Variants in KIAA1217 observed in about 807,000 individuals in gnomAD.
The protein encoded by KIAA1217 is sickle tail protein homolog.
In KIAA1217, 88 loss-of-function variants were observed where a neutral mutation model predicts 163.9. That is an observed-to-expected ratio of 0.54 (90% CI 0.45 to 0.64). The LOEUF is 0.64. KIAA1217 is among the 30% of genes least tolerant of loss of function. The probability of loss-of-function intolerance (pLI) is 0.00; values close to 1 mark genes in which losing one functional copy is unlikely to be tolerated. For missense variants in KIAA1217, 2,372 were observed against 2,475.0 expected (o/e 0.96, Z 0.88); for synonymous variants, 903 against 923.1 (o/e 0.98, Z 0.39).
At chr10:24,040,606 A>G (rs1195374513) in intron 2 of KIAA1217, among the ~76,000 whole-genome samples, 1 of 152,154 alleles carries the variant, frequency 6.6e-6, no homozygotes, top group East Asian at 1.9e-4. Flanking sequence ...ATACAGCAGT[A>G]TTTGCAAACG....
chr10:24,240,244 A>T (rs938083085), intron 2 of KIAA1217, among the ~76,000 whole-genome samples: 1 of 152,208 alleles, frequency 6.6e-6, no homozygotes, highest in Non-Finnish European at 1.5e-5. Flanking sequence ...CACCAAGCTT[A>T]AAAAGAACAC....
chr10:23,915,985 G>A (rs1045378308), intron 1 of KIAA1217, among the ~76,000 whole-genome samples: 1 of 152,136 alleles, frequency 6.6e-6, no homozygotes, highest in African/African-American at 2.4e-5. Flanking sequence ...GAATACCTAG[G>A]GCAATGCTTA....
At chr10:24,079,694 G>A (rs2061479484) in intron 2 of KIAA1217, among the ~76,000 whole-genome samples, 1 of 152,090 alleles carries the variant, frequency 6.6e-6, no homozygotes, top group Non-Finnish European at 1.5e-5. Context: ...TTGCAAAAGG[G>A]AGGGCCACCC....
At chr10:24,042,490 A>C (rs1848685615) in intron 2 of KIAA1217, 1 of 152,182 alleles carries the variant, frequency 6.6e-6, no homozygotes, top group Non-Finnish European at 1.5e-5. Context: ...GCTACACCAC[A>C]CAAAGGTAAT....
At position 24,543,435 on chromosome 10, in the gene KIAA1217, G is replaced by T. The variant is rs770707771; in HGVS notation, c.4165G>T (p.Glu1389Ter). The change falls in exon 19 of 21, where the codon GAA (glutamate) becomes TAA (stop). Residue 1389 changes from glutamate to a stop codon, truncating the protein, a stop_gained. Transcript: ENST00000376454. LOFTEE classifies it high-confidence loss of function. ...ATDNIAFMIT[E>*]TTVQVLSSGE... ...TGACAATATTGCCTTCATGATTACC[G>T]AAACCACTGTCCAGGTTCTTTCCAG... 3 of 1,614,114 alleles carry T rather than the reference G, an allele frequency of 1.9e-6. No homozygotes were observed. The highest frequency in any genetic ancestry group is 1.7e-6 in the Non-Finnish European group (2 of 1,180,016).
intron 2 of KIAA1217, among the ~76,000 whole-genome samples, chr10:24,242,191 T>C (rs1338878306): frequency 6.6e-6 from 1 of 152,226 alleles, no homozygotes; most frequent in Non-Finnish European, 1.5e-5. Context: ...ATGGGTATAC[T>C]GGATCCAGAT....
At chr10:24,114,155 G>A (rs936724395) in intron 2 of KIAA1217, among the ~76,000 whole-genome samples, 4 of 152,098 alleles carry the variant, frequency 2.6e-5, no homozygotes, top group East Asian at 1.9e-4. Context: ...TGGGAGGCAG[G>A]GCCCTGGCTG....
chr10:24,227,225 T>C, intron 2 of KIAA1217, among the ~76,000 whole-genome samples: 1 of 151,900 alleles, frequency 6.6e-6, no homozygotes, highest in East Asian at 1.9e-4. Context: ...TGGCGCGATC[T>C]TTTCTCACTG....
chr10:24,388,688 A>G (rs2054384462), intron 3 of KIAA1217, among the ~76,000 whole-genome samples: 1 of 151,122 alleles, frequency 6.6e-6, no homozygotes, highest in South Asian at 2.1e-4. Context: ...TCCAGAATCT[A>G]CAAAGAACTT....
intron 1 of KIAA1217, among the ~76,000 whole-genome samples, chr10:23,885,561 A>G (rs534307720): frequency 6.6e-6 from 1 of 152,074 alleles, no homozygotes; most frequent in South Asian, 2.1e-4. Context: ...CTCTTTATAG[A>G]CTTGATCTCC....
At chr10:24,062,913 GT>G (rs752976390) in intron 2 of KIAA1217, among the ~76,000 whole-genome samples, 35,865 of 151,772 alleles carry the variant, frequency 0.24, 8,616 homozygotes, top group African/African-American at 0.62. Context: ...TTTTTCATGT[GT>G]TTTTTTGGCT....
chr10:24,545,890 T>C lies in KIAA1217; in HGVS notation c.5398T>C (p.Ser1800Pro). 1 of 1,614,036 alleles carries C rather than the reference T, an allele frequency of 6.2e-7. No homozygotes were observed. The highest frequency in any genetic ancestry group is 8.5e-7 in the Non-Finnish European group (1 of 1,179,974). The change falls in exon 21 of 21, where the codon TCT (serine) becomes CCT (proline). Residue 1800 changes from serine (S) to proline (P), a missense_variant. Ser to Pro is a moderately conservative substitution (Grantham distance 74). Coordinates refer to ENST00000376454, the MANE Select transcript of KIAA1217 (RefSeq NM_019590.5). ...FKPTSPSLPASKIPALSPSSG... is the reference protein window; with the variant it reads ...FKPTSPSLPAPKIPALSPSSG... ...GCCTACTTCCCCCTCCTTACCTGCT[T>C]CTAAGATTCCAGCCCTTTCTCCCAG...
intron 1 of KIAA1217, among the ~76,000 whole-genome samples, chr10:23,886,112 G>A (rs901566781): frequency 6.6e-6 from 1 of 151,856 alleles, no homozygotes; most frequent in Non-Finnish European, 1.5e-5. Context: ...TGTAGGGTCT[G>A]CAGCTGTTAG....
chr10:24,264,765 T>TTCTCTCTCTCTCTCTCTC (rs55761615), intron 2 of KIAA1217, among the ~76,000 whole-genome samples: 6 of 131,922 alleles, frequency 4.5e-5, no homozygotes, highest in African/African-American at 1.4e-4. Context: ...CGGTCGGTCT[T>TTCTCTCTCTCTCTCTCTC]TCTCTCTCTC....
chr10:24,294,333 T>C (rs967253910), intron 2 of KIAA1217, among the ~76,000 whole-genome samples: 3 of 152,000 alleles, frequency 2.0e-5, no homozygotes, highest in Non-Finnish European at 4.4e-5. Flanking sequence ...TACTAGCTTC[T>C]CACAGTTTAA....
At chr10:24,384,725 A>G (rs972038126) in intron 3 of KIAA1217, among the ~76,000 whole-genome samples, 13 of 152,118 alleles carry the variant, frequency 8.5e-5, no homozygotes, top group African/African-American at 3.1e-4. Flanking sequence ...TTTAGTAGAG[A>G]CCAGGTTTCA....
At chr10:24,500,496 C>T (rs2133942043) in intron 8 of KIAA1217, among the ~76,000 whole-genome samples, 1 of 152,118 alleles carries the variant, frequency 6.6e-6, no homozygotes, top group Middle Eastern at 3.4e-3. Flanking sequence ...TTTTTAGAGT[C>T]CCCTCCTGAA....
chr10:24,435,447 T>C lies in KIAA1217; in HGVS notation c.752+2254T>C, dbSNP rs137898242. ...GAGCTGCCAGTTACAACAATCATCT[T>C]ACATTTCTGCCTTTGCAATTAGAGG... is the stretch of plus-strand genomic sequence containing the variant. On this transcript the variant is annotated intron_variant, in intron 4 of 20. Transcript: ENST00000376454. 4.4e-3 allele frequency among the ~76,000 whole-genome samples: 664 copies of C among 152,368 alleles called. 3 individuals carry two copies. Among genetic ancestry groups the C allele is most frequent in the Non-Finnish European group, 7.7e-3 (523 of 68,040 alleles).
At chr10:24,238,200 T>G (rs1162909099) in intron 2 of KIAA1217, among the ~76,000 whole-genome samples, 1 of 152,216 alleles carries the variant, frequency 6.6e-6, no homozygotes, top group Non-Finnish European at 1.5e-5. Flanking sequence ...GGCTGCCTCC[T>G]CAGAAGTGCT....
Sources: gnomAD v4.1 joint callset for allele counts (sites outside exome capture counted in the v4.1 genomes callset) on GRCh38, gnomAD v4.1.1 for gene constraint, MANE v1.5 for transcripts, NCBI Gene and HGNC (gene_info 2026-07-23, HGNC 2026-07-21) for gene names.